CDH18: variants seen among roughly 807,000 people sequenced by gnomAD.
The protein encoded by CDH18 is cadherin-18.
In CDH18, 31 loss-of-function variants were observed where a neutral mutation model predicts 67.9. That is an observed-to-expected ratio of 0.46 (90% CI 0.34 to 0.62). The LOEUF is 0.62. Among genes scored for constraint, CDH18 ranks in the 20% least tolerant of loss-of-function variants. The probability of loss-of-function intolerance (pLI) is 0.01; values close to 1 mark genes in which losing one functional copy is unlikely to be tolerated. For synonymous variants in CDH18, 362 were observed against 347.2 expected, an observed-to-expected ratio of 1.04 and a Z score of -0.48; for missense variants, 890 against 975.5, an observed-to-expected ratio of 0.91 and a Z score of 1.17.
chr5:19,811,445 G>A (rs749607464), intron 3 of CDH18, among the ~76,000 whole-genome samples: 35 of 151,992 alleles, frequency 2.3e-4, no homozygotes, highest in Non-Finnish European at 4.3e-4. Context: ...TGGCTGTCTA[G>A]GAGAGAGACC....
intron 1 of CDH18, among the ~76,000 whole-genome samples, chr5:20,470,077 G>A (rs914966765): frequency 6.6e-6 from 1 of 152,030 alleles, no homozygotes; most frequent in Admixed American, 6.5e-5. Context: ...CTGACTTCTT[G>A]CTTGTAGTTC....
intron 3 of CDH18, among the ~76,000 whole-genome samples, chr5:19,767,222 C>T (rs747413952): frequency 1.7e-4 from 26 of 151,824 alleles, no homozygotes; most frequent in Non-Finnish European, 3.2e-4. Context: ...TTTAAACAGA[C>T]AACCTACTAT....
At chr5:20,473,754 A>G (rs908429490) in intron 1 of CDH18, among the ~76,000 whole-genome samples, 3 of 152,190 alleles carry the variant, frequency 2.0e-5, no homozygotes, top group Middle Eastern at 3.4e-3. Flanking sequence ...AAAACTAGGT[A>G]TTATTCTTGG....
At chr5:20,346,355 T>G (rs747857651) in intron 1 of CDH18, among the ~76,000 whole-genome samples, 1 of 152,210 alleles carries the variant, frequency 6.6e-6, no homozygotes, top group Admixed American at 6.5e-5. Context: ...AATGCCTACA[T>G]TCATTGTATG....
At chr5:20,410,903 A>G (rs1746717873) in intron 1 of CDH18, among the ~76,000 whole-genome samples, 1 of 151,932 alleles carries the variant, frequency 6.6e-6, no homozygotes, top group African/African-American at 2.4e-5. Flanking sequence ...TAAAGAGGCA[A>G]AAATCTTATC....
intron 1 of CDH18, among the ~76,000 whole-genome samples, chr5:20,355,383 T>A (rs1741529626): frequency 2.0e-5 from 3 of 152,216 alleles, no homozygotes; most frequent in South Asian, 4.1e-4. Flanking sequence ...GTCACACTCA[T>A]CTGGAGGTAG....
chr5:19,743,814 G>A (rs1769566675), intron 4 of CDH18, among the ~76,000 whole-genome samples: 1 of 149,712 alleles, frequency 6.7e-6, no homozygotes, highest in Non-Finnish European at 1.5e-5. Flanking sequence ...CCAGCTATTT[G>A]GGAGGCTGAG....
chr5:20,459,149 CA>C (rs1216240406), intron 1 of CDH18, among the ~76,000 whole-genome samples: 1 of 152,014 alleles, frequency 6.6e-6, no homozygotes, highest in Non-Finnish European at 1.5e-5. Context: ...TTGAGAAAAA[CA>C]AAACAAAACA....
chr5:20,225,799 A>T (rs574704703), intron 2 of CDH18, among the ~76,000 whole-genome samples: 1 of 152,256 alleles, frequency 6.6e-6, no homozygotes, highest in South Asian at 2.1e-4. Flanking sequence ...TGGTGTTTTG[A>T]TCAGTAGGAG....
chr5:20,161,404 C>CAT (rs1470717275), intron 2 of CDH18, among the ~76,000 whole-genome samples: 1 of 152,260 alleles, frequency 6.6e-6, no homozygotes, highest in South Asian at 2.1e-4. Flanking sequence ...TAGTGCTCAC[C>CAT]ATACACTTGC....
chr5:19,982,289 A>G (rs1038577692), intron 1 of CDH18, among the ~76,000 whole-genome samples: 2 of 152,142 alleles, frequency 1.3e-5, no homozygotes, highest in Non-Finnish European at 2.9e-5. Flanking sequence ...TTTCATGGAC[A>G]CTATCATGGC....
chr5:20,091,211 C>T (rs886522531), intron 2 of CDH18, among the ~76,000 whole-genome samples: 2 of 152,026 alleles, frequency 1.3e-5, no homozygotes, highest in Non-Finnish European at 2.9e-5. Context: ...TAAGGCCAGG[C>T]ACAGTGGCTC....
chr5:19,795,231 C>G (rs753922070), intron 3 of CDH18, among the ~76,000 whole-genome samples: 1 of 152,108 alleles, frequency 6.6e-6, no homozygotes, highest in Non-Finnish European at 1.5e-5. Flanking sequence ...TCACTAAGAA[C>G]TACTGAGGCA....
chr5:20,378,239 T>C (rs2150095908), intron 1 of CDH18, among the ~76,000 whole-genome samples: 1 of 152,276 alleles, frequency 6.6e-6, no homozygotes, highest in South Asian at 2.1e-4. Context: ...AGTGGTGCGC[T>C]CGGCTCCCTG....
chr5:20,544,850 C>G (rs1331233677), intron 1 of CDH18, among the ~76,000 whole-genome samples: 1 of 152,170 alleles, frequency 6.6e-6, no homozygotes, highest in Non-Finnish European at 1.5e-5. Context: ...CACCCAAAGA[C>G]TTAATTCATT....
chr5:19,984,043 G>A (rs993696815), intron 1 of CDH18, among the ~76,000 whole-genome samples: 1 of 151,768 alleles, frequency 6.6e-6, no homozygotes, highest in African/African-American at 2.4e-5. Flanking sequence ...ATGGCACACT[G>A]GACTCATAAA....
intron 4 of CDH18, among the ~76,000 whole-genome samples, chr5:19,746,663 C>A (rs532664933): frequency 6.6e-6 from 1 of 152,212 alleles, no homozygotes; most frequent in African/African-American, 2.4e-5. Context: ...ATCAATTAAG[C>A]AAGTATTCCA....
intron 1 of CDH18, among the ~76,000 whole-genome samples, chr5:20,286,483 T>C (rs1746706014): frequency 6.6e-6 from 1 of 151,746 alleles, no homozygotes; most frequent in Non-Finnish European, 1.5e-5. Flanking sequence ...AAAAAGAACA[T>C]ATGATATTGA....
intron 2 of CDH18, among the ~76,000 whole-genome samples, chr5:20,080,865 T>C (rs1744408298): frequency 6.6e-6 from 1 of 152,150 alleles, no homozygotes; most frequent in Admixed American, 6.5e-5. Context: ...GTGAAATCTT[T>C]TCAAGATCAG....
Sources: gnomAD v4.1 joint callset for allele counts (sites outside exome capture counted in the v4.1 genomes callset) on GRCh38, gnomAD v4.1.1 for gene constraint, MANE v1.5 for transcripts, NCBI Gene and HGNC (gene_info 2026-07-23, HGNC 2026-07-21) for gene names.